The following RNGTT variants were observed in gnomAD, a reference collection of about 807,000 sequenced individuals.
RNGTT encodes the protein RNA guanylyltransferase and 5'-phosphatase, also known as mRNA-capping enzyme.
RNGTT carries 33 observed loss-of-function variants against 79.3 expected under a neutral mutation model. The observed-to-expected ratio is 0.42, with a 90% CI of 0.32 to 0.56. RNGTT has a LOEUF of 0.56. Among genes scored for constraint, RNGTT ranks in the 20% least tolerant of loss-of-function variants. The pLI, the probability that RNGTT is intolerant of heterozygous loss-of-function variation, is 0.17. For synonymous variants in RNGTT, 222 were observed against 235.9 expected (o/e 0.94, Z 0.54); for missense variants, 497 against 739.1 (o/e 0.67, Z 3.80).
At chr6:88,629,621 G>C (rs952360644) in intron 14 of RNGTT, among the ~76,000 whole-genome samples, 1 of 152,162 alleles carries the variant, frequency 6.6e-6, no homozygotes, top group South Asian at 2.1e-4. Context: ...ACAAAATTAC[G>C]CAGGCAAAGA....
chr6:88,846,621 G>A (rs1305071623), intron 10 of RNGTT, among the ~76,000 whole-genome samples: 20 of 152,184 alleles, frequency 1.3e-4, no homozygotes, highest in African/African-American at 4.1e-4. Context: ...TTAGCTGGGC[G>A]TAGTGGCACA....
At chr6:88,882,904 G>A (rs1049285023) in intron 8 of RNGTT, among the ~76,000 whole-genome samples, 24 of 152,112 alleles carry the variant, frequency 1.6e-4, no homozygotes, top group Non-Finnish European at 7.4e-5. Context: ...CCAGAACTAT[G>A]AAAAATAAAT....
intron 13 of RNGTT, among the ~76,000 whole-genome samples, chr6:88,721,474 T>C (rs1194678613): frequency 6.6e-6 from 1 of 152,078 alleles, no homozygotes; most frequent in Non-Finnish European, 1.5e-5. Context: ...TAACATTTTT[T>C]CCAAGTTCTC....
chr6:88,831,597 G>A (rs941153192), intron 11 of RNGTT, among the ~76,000 whole-genome samples: 12 of 152,138 alleles, frequency 7.9e-5, no homozygotes, highest in Non-Finnish European at 1.6e-4. Flanking sequence ...AGGGCAATCA[G>A]GCAAGAGAAA....
rs1778583097 is a variant in RNGTT at position 88,769,691 on chromosome 6, G to A, written c.1439+83C>T. 9 of 716,928 alleles carry A rather than the reference G, an allele frequency of 1.3e-5. No individual in the cohort carries two copies. The Admixed American group carries it at 1.3e-4, about 10-fold the overall frequency. 44.4% of individuals were successfully genotyped at this position (716,928 alleles called of 1,614,324 possible). ...GTTTCTTTCTTTAAAGTATTGTAAA[G>A]TATATATGAAATACCCTGTAAAAGG... On this transcript the variant is annotated intron_variant, in intron 13 of 15. Coordinates refer to ENST00000369485, the MANE Select transcript of RNGTT (RefSeq NM_003800.5).
chr6:88,693,363 T>C (rs12205486), intron 13 of RNGTT, among the ~76,000 whole-genome samples: 40,998 of 151,926 alleles, frequency 0.27, 6,641 homozygotes, highest in Non-Finnish European at 0.37. Flanking sequence ...AATTAGATAA[T>C]AGAAGAAACG....
intron 8 of RNGTT, among the ~76,000 whole-genome samples, chr6:88,862,961 A>G (rs1233328765): frequency 4.6e-5 from 7 of 152,190 alleles, no homozygotes; most frequent in African/African-American, 1.7e-4. Context: ...AGGCCTCTTC[A>G]AAGAATGAGC....
At chr6:88,837,424 T>C (rs1021711545) in intron 11 of RNGTT, among the ~76,000 whole-genome samples, 1 of 151,940 alleles carries the variant, frequency 6.6e-6, no homozygotes, top group Admixed American at 6.6e-5. Context: ...AAAAAAAAGC[T>C]CTAGAACATA....
intron 8 of RNGTT, among the ~76,000 whole-genome samples, chr6:88,859,134 G>A (rs535847687): frequency 2.6e-5 from 4 of 151,818 alleles, no homozygotes; most frequent in South Asian, 2.1e-4. Flanking sequence ...TGGGATTACC[G>A]GCATAAGTCA....
chr6:88,744,959 T>C lies in RNGTT; in HGVS notation c.1439+24815A>G, dbSNP rs553196895. Among the ~76,000 whole-genome samples the C allele has an allele frequency of 7.2e-5, 11 of 152,324 alleles. No individual in the cohort carries two copies. In the East Asian group the frequency reaches 1.9e-3, roughly 27 times the overall value. ...AAAACCAACTTATTGTTTCTAAGTA[T>C]ATATAGTTCTAATCAGTTTAGAGGT... On this transcript the variant is annotated intron_variant, in intron 13 of 15. Coordinates refer to ENST00000369485, the MANE Select transcript of RNGTT (RefSeq NM_003800.5).
At chr6:88,660,106 T>A (rs1774124099) in intron 14 of RNGTT, among the ~76,000 whole-genome samples, 1 of 152,192 alleles carries the variant, frequency 6.6e-6, no homozygotes, top group African/African-American at 2.4e-5. Context: ...AATGCTGAGA[T>A]AATTTGCCAC....
chr6:88,683,324 CTT>C, intron 13 of RNGTT, among the ~76,000 whole-genome samples: 1 of 152,130 alleles, frequency 6.6e-6, no homozygotes, highest in Admixed American at 6.5e-5. Context: ...ATTATAAATA[CTT>C]TTATCCCAAC....
intron 8 of RNGTT, 59 bp from the exon 9 acceptor site, chr6:88,853,823 G>T: frequency 9.5e-7 from 1 of 1,049,354 alleles, no homozygotes; most frequent in Non-Finnish European, 1.4e-6. Flanking sequence ...ACAGGGTCAT[G>T]AGAAATAACA....
intron 11 of RNGTT, among the ~76,000 whole-genome samples, chr6:88,826,191 G>A (rs1780650076): frequency 6.6e-6 from 1 of 152,170 alleles, no homozygotes; most frequent in African/African-American, 2.4e-5. Flanking sequence ...ACAACCGATA[G>A]CATCTTATTT....
intron 14 of RNGTT, among the ~76,000 whole-genome samples, chr6:88,677,548 C>A: frequency 6.6e-6 from 1 of 152,098 alleles, no homozygotes; most frequent in Admixed American, 6.5e-5. Flanking sequence ...CTCACTGCAA[C>A]CTTGACCTCC....
chr6:88,797,136 G>A (rs753467604), intron 12 of RNGTT, among the ~76,000 whole-genome samples: 83 of 152,254 alleles, frequency 5.5e-4, no homozygotes, highest in Middle Eastern at 3.4e-3. Flanking sequence ...TAAACAAAAT[G>A]TCTGCAAATA....
chr6:88,782,254 T>C (rs1779088681), intron 12 of RNGTT, among the ~76,000 whole-genome samples: 1 of 152,072 alleles, frequency 6.6e-6, no homozygotes, highest in Admixed American at 6.5e-5. Flanking sequence ...CCTTTTCTCA[T>C]GGATCACAAA....
intron 2 of RNGTT, among the ~76,000 whole-genome samples, chr6:88,934,889 C>G (rs1441387862): frequency 2.0e-5 from 3 of 152,270 alleles, no homozygotes; most frequent in Admixed American, 2.0e-4. Context: ...GCTGGGATTA[C>G]AGGTGTAAGC....
chr6:88,712,099 T>C lies in RNGTT; in HGVS notation c.1440-33680A>G, dbSNP rs146061894. Among the ~76,000 whole-genome samples the C allele has an allele frequency of 1.0e-3, 153 of 152,280 alleles. 1 individual carries two copies. Among genetic ancestry groups the C allele is most frequent in the African/African-American group, 3.5e-3 (147 of 41,562 alleles). ...GACCAGATATCAGAAAGGGGTCACA[T>C]GTTGATCTTTCCTTTAGGGGGATAA... On this transcript the variant is annotated intron_variant, in intron 13 of 15. Transcript: ENST00000369485.
Sources: allele counts gnomAD v4.1 joint callset (sites outside exome capture counted in the v4.1 genomes callset), GRCh38; gene constraint gnomAD v4.1.1; transcripts MANE v1.5; gene names NCBI Gene and HGNC (gene_info 2026-07-23, HGNC 2026-07-21).